The following MYRFL variants were observed in gnomAD, a reference collection of about 807,000 sequenced individuals.
MYRFL encodes myelin regulatory factor like.
MYRFL carries 88 observed loss-of-function variants against 109.4 expected under a neutral mutation model. The observed-to-expected ratio is 0.80, with a 90% CI of 0.68 to 0.96. The LOEUF is 0.96. Ranked by LOEUF, MYRFL falls within the 40% of genes least tolerant of loss-of-function variation. MYRFL has a pLI of 0.00. For missense variants in MYRFL, 957 were observed against 954.9 expected (o/e 1.00, Z -0.03); for synonymous variants, 324 against 320.9 (o/e 1.01, Z -0.10).
At chr12:69,954,110 G>C (rs893472836) in intron 21 of MYRFL, among the ~76,000 whole-genome samples, 1 of 152,154 alleles carries the variant, frequency 6.6e-6, no homozygotes, top group African/African-American at 2.4e-5. Flanking sequence ...GTTTGCCTAA[G>C]ATCACCTATA....
intron 15 of MYRFL, among the ~76,000 whole-genome samples, chr12:69,929,953 T>C (rs537144781): frequency 6.6e-6 from 1 of 152,388 alleles, no homozygotes; most frequent in Admixed American, 6.5e-5. Flanking sequence ...AATAGGTTGT[T>C]ATTAATGTGT....
At chr12:69,946,734 C>T (rs775889877) in intron 19 of MYRFL, 10 of 152,230 alleles carry the variant, frequency 6.6e-5, no homozygotes, top group Non-Finnish European at 1.0e-4. Context: ...TACCAAATTA[C>T]CCATTTTGCA....
At chr12:69,875,752 G>C (rs1017280635) in intron 2 of MYRFL, among the ~76,000 whole-genome samples, 6 of 152,186 alleles carry the variant, frequency 3.9e-5, no homozygotes, top group Non-Finnish European at 8.8e-5. Context: ...CTGATGATCT[G>C]AGATGGAGCA....
intron 2 of MYRFL, among the ~76,000 whole-genome samples, chr12:69,871,704 T>G (rs546953375): frequency 6.6e-6 from 1 of 152,358 alleles, no homozygotes; most frequent in East Asian, 1.9e-4. Context: ...TTGTCTAAAA[T>G]TTTTTAGTTA....
At chr12:69,922,425 G>C (rs2120431339) in intron 13 of MYRFL, among the ~76,000 whole-genome samples, 1 of 151,972 alleles carries the variant, frequency 6.6e-6, no homozygotes, top group South Asian at 2.1e-4. Context: ...TTTTGTTTTT[G>C]TTTTGTGATT....
At chr12:69,932,646 C>T (rs1404035431) in intron 16 of MYRFL, 48 bp downstream of exon 16, 1 of 1,382,022 alleles carries the variant, frequency 7.2e-7, no homozygotes, top group Admixed American at 2.0e-5. Context: ...TTTGTTCCTT[C>T]CCATGTTTCT....
Position 69,921,405 on chromosome 12 carries a change from T to A in MYRFL, c.1603-5166T>A, listed in dbSNP as rs1954907075. ...TATTTAGAAAAAATTTCCTCAGGCA[T>A]CTGTGATATGGGTTCTTGGTTCAAA... On this transcript the variant is annotated intron_variant, in intron 13 of 24. Coordinates refer to ENST00000552032, the MANE Select transcript of MYRFL (RefSeq NM_182530.3). 2.6e-5 allele frequency among the ~76,000 whole-genome samples: 4 copies of A among 152,232 alleles called. No homozygotes were observed. The South Asian group carries it at 8.3e-4, about 31-fold the overall frequency.
In MYRFL at chr12:69,932,503, C is replaced by A. The variant is rs759316177; in HGVS notation, c.1831-10C>A. On this transcript the variant is annotated splice_polypyrimidine_tract_variant and intron_variant, in intron 15 of 24. Transcript: ENST00000552032. ...AATTTATCACTGCTCATTACTGAAC[C>A]TTTTTATAGGTTTATTTTTCAGGAA... 2.6e-6 allele frequency: 4 copies of A among 1,532,062 alleles called. No individual in the cohort carries two copies. The highest frequency in any genetic ancestry group is 2.4e-5 in the East Asian group (1 of 40,876). The allele number at this position is 1,532,062 out of a possible 1,614,324, so 94.9% of individuals were successfully genotyped here.
At chr12:69,844,231 G>A (rs899842397) in intron 1 of MYRFL, among the ~76,000 whole-genome samples, 4 of 152,144 alleles carry the variant, frequency 2.6e-5, no homozygotes, top group African/African-American at 7.2e-5. Context: ...TCATTAAGGC[G>A]TTTGGGCAAG....
intron 1 of MYRFL, among the ~76,000 whole-genome samples, chr12:69,841,443 T>G (rs1320880610): frequency 6.6e-6 from 1 of 152,246 alleles, no homozygotes; most frequent in African/African-American, 2.4e-5. Context: ...GAAGCAGCCC[T>G]GATTTGTAGC....
At chr12:69,937,834 T>C (rs1323369988) in intron 19 of MYRFL, among the ~76,000 whole-genome samples, 1 of 152,260 alleles carries the variant, frequency 6.6e-6, no homozygotes, top group African/African-American at 2.4e-5. Flanking sequence ...CTAGTCTTGG[T>C]TAAATAACTT....
chr12:69,852,087 G>A (rs1315489728), intron 1 of MYRFL, among the ~76,000 whole-genome samples: 1 of 152,224 alleles, frequency 6.6e-6, no homozygotes. Context: ...ATTGGTCACT[G>A]TCCAACCAAT....
intron 2 of MYRFL, 125 bp from the exon 3 acceptor site, chr12:69,878,903 C>G (rs1885863838): frequency 1.5e-6 from 1 of 664,762 alleles, no homozygotes; most frequent in South Asian, 1.7e-5. Context: ...ACCCCTCACC[C>G]CCCCATGCCC....
At chr12:69,846,193 TTTATTA>T (rs1483781944) in intron 1 of MYRFL, among the ~76,000 whole-genome samples, 1 of 150,900 alleles carries the variant, frequency 6.6e-6, no homozygotes, top group Non-Finnish European at 1.5e-5. Flanking sequence ...TGTTTGTTTG[TTTATTA>T]TTATTATACT....
intron 1 of MYRFL, among the ~76,000 whole-genome samples, chr12:69,830,297 T>G (rs950342642): frequency 2.6e-5 from 4 of 151,274 alleles, no homozygotes; most frequent in Non-Finnish European, 4.4e-5. Flanking sequence ...AGATAATATA[T>G]AGAGAGATAA....
At chr12:69,941,909 C>A (rs1263520430) in intron 19 of MYRFL, among the ~76,000 whole-genome samples, 2 of 149,892 alleles carry the variant, frequency 1.3e-5, no homozygotes, top group African/African-American at 2.4e-5. Context: ...ACAAACACCT[C>A]TACGCAAATA....
intron 2 of MYRFL, among the ~76,000 whole-genome samples, chr12:69,873,990 T>TA (rs1316722406): frequency 1.3e-5 from 2 of 152,192 alleles, no homozygotes; most frequent in Non-Finnish European, 2.9e-5. Context: ...ACAGTTTACT[T>TA]AGAGTTAATG....
intron 1 of MYRFL, among the ~76,000 whole-genome samples, chr12:69,839,224 A>T (rs770653202): frequency 9.2e-5 from 14 of 152,176 alleles, no homozygotes; most frequent in Non-Finnish European, 1.5e-4. Flanking sequence ...ACCCAGAAAG[A>T]ACAGGTTCTG....
chr12:69,876,041 A>G (rs1313216625), intron 2 of MYRFL, among the ~76,000 whole-genome samples: 1 of 152,242 alleles, frequency 6.6e-6, no homozygotes, highest in Non-Finnish European at 1.5e-5. Context: ...TCTGCCCCAT[A>G]TATGATAGAT....
Sources: gnomAD v4.1 joint callset for allele counts (sites outside exome capture counted in the v4.1 genomes callset) on GRCh38, gnomAD v4.1.1 for gene constraint, MANE v1.5 for transcripts, NCBI Gene and HGNC (gene_info 2026-07-23, HGNC 2026-07-21) for gene names.